Variants in ADK observed in about 807,000 individuals in gnomAD.
ADK encodes the protein adenosine kinase, also known as N6,N6-dimethyladenosine kinase.
ADK carries 24 observed loss-of-function variants against 44.7 expected under a neutral mutation model. The ratio of observed to expected loss-of-function variants is 0.54; its 90% CI spans 0.39 to 0.76. The LOEUF (loss-of-function observed/expected upper bound fraction) is 0.76. Among genes scored for constraint, ADK ranks in the 30% least tolerant of loss-of-function variants. The pLI is 0.00. For synonymous variants in ADK, 128 were observed against 142.6 expected (o/e 0.90, Z 0.73); for missense variants, 321 against 425.1 (o/e 0.76, Z 2.15).
intron 6 of ADK, among the ~76,000 whole-genome samples, chr10:74,412,372 C>A (rs1844213120): frequency 6.6e-6 from 1 of 152,068 alleles, no homozygotes; most frequent in African/African-American, 2.4e-5. Flanking sequence ...AACTGCTGGG[C>A]TTAAGTGATC....
chr10:74,505,904 G>A (rs550324995), intron 6 of ADK, among the ~76,000 whole-genome samples: 4 of 152,164 alleles, frequency 2.6e-5, no homozygotes, highest in Non-Finnish European at 5.9e-5. Context: ...GTGACCCGGG[G>A]CATTGTTCAA....
At position 74,589,262 on chromosome 10, in the gene ADK, C is replaced by CTTTTTTTTTTTTTTTTTTTTT. The variant is rs112610475; in HGVS notation, c.727-8_727-7insTTTTTTTTTTTTTTTTTTTTT. ...ACCGAGCACTTTATAATTAACTGTT[C>CTTTTTTTTTTTTTTTTTTTTT]TTTTTTTTTTTTATTTCAGGAAGCT... is the stretch of plus-strand genomic sequence containing the variant. On this transcript the variant is annotated intron_variant, in intron 7 of 10. Coordinates refer to ENST00000539909, the MANE Select transcript of ADK (RefSeq NM_006721.4). 2 of 1,287,096 alleles carry CTTTTTTTTTTTTTTTTTTTTT rather than the reference C, an allele frequency of 1.6e-6. No individual in the cohort carries two copies. Among genetic ancestry groups the CTTTTTTTTTTTTTTTTTTTTT allele is most frequent in the East Asian group, 2.7e-5 (1 of 37,020 alleles). The allele number at this position is 1,287,096 out of a possible 1,614,324, so 79.7% of individuals were successfully genotyped here.
chr10:74,528,931 T>G (rs908910670), intron 7 of ADK, among the ~76,000 whole-genome samples: 1 of 152,130 alleles, frequency 6.6e-6, no homozygotes, highest in Non-Finnish European at 1.5e-5. Context: ...GAATGTAAAA[T>G]GGGAATGTAG....
chr10:74,509,671 C>T (rs1410472736), intron 6 of ADK, among the ~76,000 whole-genome samples: 1 of 152,112 alleles, frequency 6.6e-6, no homozygotes, highest in African/African-American at 2.4e-5. Context: ...GTATAGAATT[C>T]TATAACTTAC....
At chr10:74,632,662 C>T (rs1853483483) in intron 9 of ADK, among the ~76,000 whole-genome samples, 1 of 152,158 alleles carries the variant, frequency 6.6e-6, no homozygotes, top group Non-Finnish European at 1.5e-5. Flanking sequence ...CTAATCTAAT[C>T]TAGTGTGACC....
intron 7 of ADK, among the ~76,000 whole-genome samples, chr10:74,534,612 T>C (rs2133691205): frequency 6.6e-6 from 1 of 152,356 alleles, no homozygotes; most frequent in Middle Eastern, 3.4e-3. Context: ...GGCAATTCCA[T>C]GTGTTTTTCT....
At chr10:74,661,811 T>C (rs1854740937) in intron 9 of ADK, among the ~76,000 whole-genome samples, 1 of 152,238 alleles carries the variant, frequency 6.6e-6, no homozygotes, top group African/African-American at 2.4e-5. Context: ...GCAGTTATAA[T>C]AGATGTTACA....
intron 3 of ADK, among the ~76,000 whole-genome samples, chr10:74,260,902 C>T (rs1591948594): frequency 1.3e-5 from 2 of 152,230 alleles, no homozygotes; most frequent in Admixed American, 1.3e-4. Context: ...TCTCCAGAAG[C>T]GGCAACTTAT....
intron 4 of ADK, among the ~76,000 whole-genome samples, chr10:74,341,692 T>G (rs1841588072): frequency 6.6e-6 from 1 of 152,206 alleles, no homozygotes; most frequent in Non-Finnish European, 1.5e-5. Flanking sequence ...GTTTTCCATT[T>G]CATGTACTTG....
rs1589225236 is a variant in ADK, at chr10:74,533,442, T to C, written c.726+8016T>C. Among the ~76,000 whole-genome samples the C allele has an allele frequency of 2.0e-5, 3 of 152,148 alleles. No individual in the cohort carries two copies. In the East Asian group the frequency reaches 5.8e-4, roughly 29 times the overall value. Reference sequence around the variant, plus strand: ...TGGCATTGGTGTAATGATAGACAAATAGTCAATGGAACAGAAGGGAACGTC... The same window carrying C: ...TGGCATTGGTGTAATGATAGACAAACAGTCAATGGAACAGAAGGGAACGTC... On this transcript the variant is annotated intron_variant, in intron 7 of 10. Coordinates refer to ENST00000539909, the MANE Select transcript of ADK (RefSeq NM_006721.4).
At chr10:74,471,394 G>C (rs2133296001) in intron 6 of ADK, among the ~76,000 whole-genome samples, 1 of 152,220 alleles carries the variant, frequency 6.6e-6, no homozygotes, top group Middle Eastern at 3.4e-3. Flanking sequence ...ATACTGTTTT[G>C]ATTGCTGTTG....
At chr10:74,485,907 G>T (rs942129433) in intron 6 of ADK, among the ~76,000 whole-genome samples, 2 of 152,136 alleles carry the variant, frequency 1.3e-5, no homozygotes, top group African/African-American at 4.8e-5. Flanking sequence ...ACAAGTAGGG[G>T]TGTATATGAG....
intron 7 of ADK, among the ~76,000 whole-genome samples, chr10:74,538,757 G>A (rs1004307250): frequency 2.6e-5 from 4 of 152,128 alleles, no homozygotes; most frequent in Non-Finnish European, 5.9e-5. Flanking sequence ...CCATGGGGAT[G>A]GGAAGAGACT....
At chr10:74,170,464 A>T (rs1842129043) in intron 1 of ADK, among the ~76,000 whole-genome samples, 1 of 152,180 alleles carries the variant, frequency 6.6e-6, no homozygotes. Flanking sequence ...GCAAGTTTTC[A>T]AAAAGGGCAG....
intron 9 of ADK, among the ~76,000 whole-genome samples, chr10:74,620,693 C>A (rs915221330): frequency 3.9e-5 from 6 of 152,094 alleles, no homozygotes; most frequent in Admixed American, 3.9e-4. Context: ...TGCATCCTCA[C>A]CAGCATCTGC....
chr10:74,193,737 C>G (rs1307144085), intron 1 of ADK, among the ~76,000 whole-genome samples: 1 of 151,914 alleles, frequency 6.6e-6, no homozygotes, highest in African/African-American at 2.4e-5. Context: ...CCACTGCCCT[C>G]CAGCCTGGGC....
chr10:74,660,729 CAA>C (rs747443907), intron 9 of ADK, among the ~76,000 whole-genome samples: 10 of 92,846 alleles, frequency 1.1e-4, no homozygotes, highest in Non-Finnish European at 6.0e-5. Context: ...GACCCTGTCT[CAA>C]AAAAAAAAAA....
intron 6 of ADK, among the ~76,000 whole-genome samples, chr10:74,426,169 A>G (rs1564715083): frequency 6.6e-6 from 1 of 152,188 alleles, no homozygotes; most frequent in Non-Finnish European, 1.5e-5. Context: ...TTAATATATA[A>G]TGAATGTTTG....
intron 6 of ADK, among the ~76,000 whole-genome samples, chr10:74,500,402 T>C (rs1847848636): frequency 6.6e-6 from 1 of 152,196 alleles, no homozygotes; most frequent in African/African-American, 2.4e-5. Flanking sequence ...TATTTCAGTG[T>C]TTTTTTAGTC....
Sources: allele counts gnomAD v4.1 joint callset (sites outside exome capture counted in the v4.1 genomes callset), GRCh38; gene constraint gnomAD v4.1.1; transcripts MANE v1.5; gene names NCBI Gene and HGNC (gene_info 2026-07-23, HGNC 2026-07-21).